COL4A1: variants seen among roughly 807,000 people sequenced by gnomAD.
COL4A1 encodes the protein collagen type IV alpha 1 chain.
A neutral mutation model predicts 216.6 loss-of-function variants in COL4A1; 40 were observed. The ratio of observed to expected loss-of-function variants is 0.18; its 90% CI spans 0.14 to 0.24. The LOEUF (loss-of-function observed/expected upper bound fraction) is 0.24, where lower values mean the gene tolerates loss of function less well. COL4A1 is among the 10% of genes least tolerant of loss of function. COL4A1 has a pLI of 1.00. For synonymous variants in COL4A1, 839 were observed against 810.7 expected, an observed-to-expected ratio of 1.03 and a Z score of -0.59; for missense variants, 1,628 against 2,196.8, an observed-to-expected ratio of 0.74 and a Z score of 5.18.
At chr13:110,219,821 T>TAC (rs1880336805) in intron 2 of COL4A1, among the ~76,000 whole-genome samples, 2 of 128,510 alleles carry the variant, frequency 1.6e-5, no homozygotes, top group Admixed American at 1.6e-4. Flanking sequence ...TATATATGTA[T>TAC]ATATATGTAT....
intron 47 of COL4A1, among the ~76,000 whole-genome samples, chr13:110,162,892 A>G (rs990538955): frequency 3.3e-5 from 5 of 152,256 alleles, no homozygotes; most frequent in Non-Finnish European, 5.9e-5. Context: ...TAGCAGCCCA[A>G]AGCCTGCGTA....
At chr13:110,282,324 T>C (rs1427466379) in intron 1 of COL4A1, among the ~76,000 whole-genome samples, 1 of 152,156 alleles carries the variant, frequency 6.6e-6, no homozygotes, top group African/African-American at 2.4e-5. Flanking sequence ...GGGGGACTCA[T>C]GTAGAGTACT....
chr13:110,181,093 A>T (rs180982693), intron 29 of COL4A1, among the ~76,000 whole-genome samples, 199 bp downstream of exon 29: 11 of 152,348 alleles, frequency 7.2e-5, no homozygotes, highest in Admixed American at 3.9e-4. Context: ...TGTTTCATAA[A>T]ATCAAAACAA....
chr13:110,151,223 C>T (rs925515313), intron 51 of COL4A1, among the ~76,000 whole-genome samples: 2 of 151,986 alleles, frequency 1.3e-5, no homozygotes, highest in African/African-American at 4.8e-5. Flanking sequence ...TTCTAGTACC[C>T]TCAAGTTTAT....
chr13:110,299,674 T>C (rs567097573), intron 1 of COL4A1, among the ~76,000 whole-genome samples: 1 of 152,332 alleles, frequency 6.6e-6, no homozygotes, highest in South Asian at 2.1e-4. Context: ...CTGGATGTAG[T>C]TGAGACGTTG....
Position 110,187,192 on chromosome 13 carries a change from C to A in COL4A1, c.1674G>T (p.Ala558=). The change falls in exon 25 of 52, where the codon GCG becomes GCT. Residue 558 remains alanine (A), a synonymous_variant. Coordinates refer to ENST00000375820, the MANE Select transcript of COL4A1 (RefSeq NM_001845.6). ...GATGGCCATCTCTTCCAGGAGAACC[C>A]GCTCTCCCTGGCATGCCGGGCTGTC... is the stretch of plus-strand genomic sequence containing the variant. ...FPGQPGMPGR[A]GSPGRDGHPG... The A allele has an allele frequency of 1.2e-6, 2 of 1,613,984 alleles. No homozygotes were observed. Among genetic ancestry groups the A allele is most frequent in the South Asian group, 2.2e-5 (2 of 91,068 alleles).
At chr13:110,221,172 A>G (rs977773482) in intron 2 of COL4A1, among the ~76,000 whole-genome samples, 1 of 152,244 alleles carries the variant, frequency 6.6e-6, no homozygotes, top group Non-Finnish European at 1.5e-5. Context: ...GTTGACTGAC[A>G]GAGCTGAACA....
intron 2 of COL4A1, among the ~76,000 whole-genome samples, chr13:110,221,307 C>G (rs1299462861): frequency 6.6e-6 from 1 of 152,160 alleles, no homozygotes. Context: ...CCATGAAAAT[C>G]CACTTTGCAC....
chr13:110,174,573 T>C (rs778142743), intron 38 of COL4A1, 47 bp from the exon 39 acceptor site: 2 of 1,614,170 alleles, frequency 1.2e-6, no homozygotes. Flanking sequence ...TTTGGGCTTT[T>C]CTTTGATTTC....
intron 1 of COL4A1, among the ~76,000 whole-genome samples, chr13:110,262,432 T>C (rs1210879073): frequency 2.6e-5 from 4 of 152,230 alleles, no homozygotes; most frequent in African/African-American, 9.6e-5. Flanking sequence ...AGCTGACACA[T>C]ATTTAGAGCA....
At chr13:110,202,452 G>A (rs1879293891) in intron 18 of COL4A1, among the ~76,000 whole-genome samples, 1 of 152,074 alleles carries the variant, frequency 6.6e-6, no homozygotes, top group South Asian at 2.1e-4. Context: ...ATGTTAAATA[G>A]CTTGACTTAG....
At chr13:110,217,727 C>T (rs1256185727) in intron 2 of COL4A1, among the ~76,000 whole-genome samples, 1 of 152,086 alleles carries the variant, frequency 6.6e-6, no homozygotes, top group Non-Finnish European at 1.5e-5. Context: ...TGCTGTGTCC[C>T]CAAATGATGA....
At chr13:110,301,323 G>A (rs372337285) in intron 1 of COL4A1, among the ~76,000 whole-genome samples, 46 of 152,242 alleles carry the variant, frequency 3.0e-4, no homozygotes, top group African/African-American at 8.9e-4. Flanking sequence ...CCTCTGTGTC[G>A]GGCACTCTCC....
intron 1 of COL4A1, among the ~76,000 whole-genome samples, chr13:110,305,611 G>A (rs1884662440): frequency 6.6e-6 from 1 of 152,366 alleles, no homozygotes; most frequent in Admixed American, 6.5e-5. Flanking sequence ...TCTTTGGAAA[G>A]TATTTTGTCA....
chr13:110,192,124 C>T (rs2139178998), intron 24 of COL4A1, 90 bp downstream of exon 24: 3 of 1,334,160 alleles, frequency 2.2e-6, no homozygotes, highest in East Asian at 2.3e-5. Context: ...AAGGCAGAAG[C>T]CATGCTTGCA....
At chr13:110,224,085 G>A (rs1483295190) in intron 2 of COL4A1, among the ~76,000 whole-genome samples, 1 of 152,132 alleles carries the variant, frequency 6.6e-6, no homozygotes, top group Non-Finnish European at 1.5e-5. Flanking sequence ...CTTCCAACTT[G>A]AGCTCCAGCC....
At chr13:110,208,472 G>A (rs1442441343) in intron 12 of COL4A1, among the ~76,000 whole-genome samples, 7 of 152,196 alleles carry the variant, frequency 4.6e-5, no homozygotes, top group East Asian at 1.9e-4. Context: ...ATTTCCTGGC[G>A]GTGGACTCCC....
intron 42 of COL4A1, among the ~76,000 whole-genome samples, chr13:110,170,090 G>C (rs1877550051): frequency 6.9e-6 from 1 of 145,040 alleles, no homozygotes; most frequent in South Asian, 2.3e-4. Flanking sequence ...GGGGAAGGAG[G>C]GAGGGAGAGA....
chr13:110,227,142 C>A (rs1438748883), intron 2 of COL4A1, among the ~76,000 whole-genome samples: 1 of 152,138 alleles, frequency 6.6e-6, no homozygotes. Flanking sequence ...ATTAAACTTA[C>A]AGTATCATTT....
Sources: allele counts gnomAD v4.1 joint callset (sites outside exome capture counted in the v4.1 genomes callset), GRCh38; gene constraint gnomAD v4.1.1; transcripts MANE v1.5; gene names NCBI Gene and HGNC (gene_info 2026-07-23, HGNC 2026-07-21).